Variants in COL9A1 observed in about 807,000 individuals in gnomAD.
COL9A1 encodes the protein collagen alpha-1(IX) chain.
In COL9A1, 104 loss-of-function variants were observed where a neutral mutation model predicts 142.6. The observed-to-expected ratio is 0.73, with a 90% CI of 0.62 to 0.86. The LOEUF (loss-of-function observed/expected upper bound fraction) is 0.86, where lower values mean the gene tolerates loss of function less well. Ranked by LOEUF, COL9A1 falls within the 40% of genes least tolerant of loss-of-function variation. The pLI is 0.00. For missense variants in COL9A1, 1,210 were observed against 1,176.6 expected, an observed-to-expected ratio of 1.03 and a Z score of -0.42; for synonymous variants, 466 against 396.0, an observed-to-expected ratio of 1.18 and a Z score of -2.10.
intron 37 of COL9A1, 78 bp from the exon 38 acceptor site, chr6:70,217,159 G>T: frequency 6.9e-7 from 1 of 1,455,184 alleles, no homozygotes; most frequent in Non-Finnish European, 9.6e-7. Context: ...TGGCTCAGCA[G>T]CGCTCAGATA....
At chr6:70,301,393 T>C (rs535169861) in intron 2 of COL9A1, among the ~76,000 whole-genome samples, 4 of 152,060 alleles carry the variant, frequency 2.6e-5, no homozygotes, top group Non-Finnish European at 5.9e-5. Flanking sequence ...CTGACCAACA[T>C]GGTGAAAGCC....
intron 37 of COL9A1, among the ~76,000 whole-genome samples, chr6:70,218,634 G>C: frequency 6.6e-6 from 1 of 151,728 alleles, no homozygotes; most frequent in Non-Finnish European, 1.5e-5. Context: ...GCTTATATTT[G>C]GTTACTCTCC....
chr6:70,280,786 C>T (rs1325861131), intron 10 of COL9A1, 26 bp downstream of exon 10: 2 of 1,605,132 alleles, frequency 1.2e-6, no homozygotes, highest in Non-Finnish European at 8.5e-7. Flanking sequence ...CCAGGCTGGG[C>T]GCCCTCCCAG....
Position 70,270,327 on chromosome 6 carries a change from G to C in COL9A1, c.1184C>G (p.Pro395Arg), listed in dbSNP as rs780894021. 2 of 1,613,436 alleles carry C rather than the reference G, an allele frequency of 1.2e-6. No homozygotes were observed. The highest frequency in any genetic ancestry group is 3.3e-5 in the Admixed American group (2 of 59,964). ...CAAATAACTTACTCTGGGTCCTGGGGGGCCAGGGGGGCCAGGTGGTCCTCT... is the reference window on the plus strand; with the variant it reads ...CAAATAACTTACTCTGGGTCCTGGGCGGCCAGGGGGGCCAGGTGGTCCTCT... ...GRRGPPGPPG[P>R]PGPRGTIGFH... is the part of the protein sequence containing the mutation. Residue 395 changes from proline (P) to arginine (R), a missense_variant, in exon 15 of 38, where the codon CCC (proline) becomes CGC (arginine). Transcript: ENST00000357250.
intron 37 of COL9A1, among the ~76,000 whole-genome samples, chr6:70,223,933 T>G (rs1769058467): frequency 6.6e-6 from 1 of 151,870 alleles, no homozygotes; most frequent in South Asian, 2.1e-4. Context: ...TAATCAGAGC[T>G]GATGGGGAGA....
At chr6:70,243,342 A>C (rs1357331455) in intron 28 of COL9A1, among the ~76,000 whole-genome samples, 1 of 152,224 alleles carries the variant, frequency 6.6e-6, no homozygotes, top group East Asian at 1.9e-4. Flanking sequence ...TAACGAAGAT[A>C]CACCAAAAAT....
chr6:70,286,948 T>C (rs1403251759), intron 5 of COL9A1, among the ~76,000 whole-genome samples: 1 of 152,208 alleles, frequency 6.6e-6, no homozygotes. Flanking sequence ...TGCTTTGGGA[T>C]AGACACCATG....
chr6:70,269,781 A>G, intron 15 of COL9A1, 116 bp from the exon 16 acceptor site: 1 of 689,938 alleles, frequency 1.4e-6, no homozygotes, highest in Non-Finnish European at 2.5e-6. Context: ...ATAAAATATA[A>G]GAAACCAGAT....
In COL9A1 at chr6:70,260,730, A is replaced by G. The variant is rs764077236; in HGVS notation, c.1396-20T>C. 3.7e-6 allele frequency: 6 copies of G among 1,613,010 alleles called. No individual in the cohort carries two copies. The highest frequency in any genetic ancestry group is 4.2e-6 in the Non-Finnish European group (5 of 1,179,350). On this transcript the variant is annotated intron_variant, in intron 19 of 37. Coordinates refer to ENST00000357250, the MANE Select transcript of COL9A1 (RefSeq NM_001851.6). ...GGCTCCCTGGAAATGTGAAAAAGAG[A>G]AGTGAATTATTTTAGTTGAAGCAAA...
chr6:70,251,571 A>T (rs978744390), intron 28 of COL9A1, among the ~76,000 whole-genome samples: 3 of 152,196 alleles, frequency 2.0e-5, no homozygotes, highest in African/African-American at 2.4e-5. Context: ...ATTTATTTTT[A>T]AAAAACAAAA....
chr6:70,272,050 T>C lies in COL9A1; in HGVS notation c.1089+15A>G, dbSNP rs1442436411. The stretch of plus-strand genomic sequence containing the variant: ...TTATAGACTGCATAAAAATAAATGA[T>C]GAAGTGATACTTACAGGGGGTCCAG... On this transcript the variant is annotated intron_variant, in intron 13 of 37. Coordinates refer to ENST00000357250, the MANE Select transcript of COL9A1 (RefSeq NM_001851.6). 1.9e-6 allele frequency: 3 copies of C among 1,610,356 alleles called. No individual in the cohort carries two copies. In the South Asian group the frequency reaches 3.3e-5, roughly 18 times the overall value.
intron 37 of COL9A1, among the ~76,000 whole-genome samples, chr6:70,225,312 G>A (rs1769160169): frequency 6.6e-6 from 1 of 152,184 alleles, no homozygotes; most frequent in Non-Finnish European, 1.5e-5. Flanking sequence ...AGGGTAGCCA[G>A]TGTATAAAGA....
At chr6:70,300,951 T>C (rs937610765) in intron 2 of COL9A1, among the ~76,000 whole-genome samples, 15 of 152,144 alleles carry the variant, frequency 9.9e-5, no homozygotes, top group African/African-American at 3.6e-4. Flanking sequence ...AGTCTTGAGA[T>C]TCACTAATCC....
At chr6:70,279,065 A>G (rs976288217) in intron 10 of COL9A1, among the ~76,000 whole-genome samples, 1 of 152,244 alleles carries the variant, frequency 6.6e-6, no homozygotes, top group Non-Finnish European at 1.5e-5. Flanking sequence ...GAAATACAAA[A>G]TAAATATTTT....
rs766584452 is a variant in COL9A1, at chr6:70,272,125, T to C, written c.1066-37A>G. 4 of 1,570,190 alleles carry C rather than the reference T, an allele frequency of 2.5e-6. No individual in the cohort carries two copies. In the South Asian group the frequency reaches 4.5e-5, roughly 18 times the overall value. On this transcript the variant is annotated intron_variant, in intron 12 of 37. Transcript: ENST00000357250. The stretch of plus-strand genomic sequence containing the variant: ...CAATAAAAATGGTTATAGCTTGAGG[T>C]TTATACTTAGTATAAATATGAATGT...
chr6:70,217,731 G>A (rs661521), intron 37 of COL9A1, among the ~76,000 whole-genome samples: 14,400 of 152,202 alleles, frequency 0.095, 1,034 homozygotes, highest in African/African-American at 0.2. Flanking sequence ...TAAAAACACA[G>A]GTTTTGGAGA....
chr6:70,221,924 T>C (rs1379752768), intron 37 of COL9A1, among the ~76,000 whole-genome samples: 1 of 152,158 alleles, frequency 6.6e-6, no homozygotes, highest in Non-Finnish European at 1.5e-5. Flanking sequence ...CAGGGATTGC[T>C]AATGTGATCC....
chr6:70,285,127 G>C (rs1583334974), intron 5 of COL9A1, among the ~76,000 whole-genome samples: 1 of 152,208 alleles, frequency 6.6e-6, no homozygotes, highest in East Asian at 1.9e-4. Flanking sequence ...TCATTAAACT[G>C]TTTTCTCAAA....
chr6:70,272,334 T>C (rs1456998296), intron 12 of COL9A1, among the ~76,000 whole-genome samples: 2 of 152,062 alleles, frequency 1.3e-5, no homozygotes, highest in East Asian at 3.9e-4. Context: ...ACTTTTTTTT[T>C]TTAAGGAAAT....
Sources: gnomAD v4.1 joint callset for allele counts (sites outside exome capture counted in the v4.1 genomes callset) on GRCh38, gnomAD v4.1.1 for gene constraint, MANE v1.5 for transcripts, NCBI Gene and HGNC (gene_info 2026-07-23, HGNC 2026-07-21) for gene names.